CNTN4: variants seen among roughly 807,000 people sequenced by gnomAD.
CNTN4 encodes the protein contactin-4.
In CNTN4, 77 loss-of-function variants were observed where a neutral mutation model predicts 122.5. That is an observed-to-expected ratio of 0.63 (90% CI 0.52 to 0.76). The LOEUF is 0.76. CNTN4 is among the 30% of genes least tolerant of loss of function. The pLI is 0.00. For missense variants in CNTN4, 1,256 were observed against 1,259.1 expected, an observed-to-expected ratio of 1.00 and a Z score of 0.04; for synonymous variants, 512 against 447.0, an observed-to-expected ratio of 1.15 and a Z score of -1.83.
chr3:2,616,720 G>A lies in CNTN4; in HGVS notation c.55+45162G>A, dbSNP rs540784954. Among the ~76,000 whole-genome samples the A allele has an allele frequency of 3.9e-5, 6 of 152,038 alleles. 1 individual carries two copies. In the South Asian group the frequency reaches 6.2e-4, roughly 16 times the overall value. Reference sequence around the variant, plus strand: ...AAAAAAGAACAAAGCTGGAGGCATCGTGCTCCCTGACTTCGAACTATACTA... The same window carrying A: ...AAAAAAGAACAAAGCTGGAGGCATCATGCTCCCTGACTTCGAACTATACTA... On this transcript the variant is annotated intron_variant, in intron 4 of 24. Coordinates refer to ENST00000418658, the MANE Select transcript of CNTN4 (RefSeq NM_175607.3).
intron 3 of CNTN4, among the ~76,000 whole-genome samples, chr3:2,349,447 C>T (rs371268408): frequency 1.3e-5 from 2 of 151,984 alleles, no homozygotes; most frequent in Admixed American, 6.6e-5. Flanking sequence ...CATAAGTCAC[C>T]CAGAAGAACA....
At chr3:2,450,292 G>A (rs188740965) in intron 3 of CNTN4, among the ~76,000 whole-genome samples, 3 of 151,794 alleles carry the variant, frequency 2.0e-5, no homozygotes, top group Admixed American at 6.6e-5. Context: ...ACTTGAGCCT[G>A]GGAGGTCAAG....
At chr3:2,778,360 G>A (rs974623246) in intron 6 of CNTN4, among the ~76,000 whole-genome samples, 2 of 36,590 alleles carry the variant, frequency 5.5e-5, no homozygotes, top group African/African-American at 1.0e-4. Context: ...TTACAGAATA[G>A]TATTCCTGTA....
chr3:3,056,285 C>T lies in CNTN4; in HGVS notation c.*65C>T, dbSNP rs927325668. ...AACATTTAGCTAGTTGTTTTGAAGA[C>T]ACCCAGTACTAAGTAATATTGTTGT... On this transcript the variant is annotated 3_prime_UTR_variant, in exon 25 of 25. Transcript: ENST00000418658. 2.7e-6 allele frequency: 3 copies of T among 1,121,310 alleles called. No homozygotes were observed. Among genetic ancestry groups the T allele is most frequent in the East Asian group, 2.4e-5 (1 of 42,498 alleles). 69.5% of individuals were successfully genotyped at this position (1,121,310 alleles called of 1,614,324 possible).
chr3:2,648,247 G>T (rs546577562), intron 4 of CNTN4, among the ~76,000 whole-genome samples: 2 of 152,260 alleles, frequency 1.3e-5, no homozygotes, highest in African/African-American at 4.8e-5. Context: ...CATCATTTCA[G>T]TCTGGGAAAT....
intron 4 of CNTN4, among the ~76,000 whole-genome samples, chr3:2,598,665 T>C (rs968062104): frequency 1.5e-4 from 23 of 152,170 alleles, no homozygotes; most frequent in African/African-American, 5.3e-4. Flanking sequence ...GTAGCCGTAA[T>C]AGAAATTCAG....
At chr3:2,210,151 T>G (rs576833488) in intron 2 of CNTN4, among the ~76,000 whole-genome samples, 1 of 152,238 alleles carries the variant, frequency 6.6e-6, no homozygotes, top group African/African-American at 2.4e-5. Context: ...AAGTTATGGT[T>G]GAGAGAATTA....
chr3:2,267,179 T>G (rs2149791015), intron 2 of CNTN4, among the ~76,000 whole-genome samples: 1 of 152,206 alleles, frequency 6.6e-6, no homozygotes, highest in South Asian at 2.1e-4. Context: ...GTGTAGAAAT[T>G]TAGTGTCAGC....
At chr3:2,600,502 C>T (rs543181428) in intron 4 of CNTN4, among the ~76,000 whole-genome samples, 1 of 152,266 alleles carries the variant, frequency 6.6e-6, no homozygotes, top group South Asian at 2.1e-4. Flanking sequence ...TTTCCAGCTT[C>T]ATCCATGTCC....
intron 3 of CNTN4, among the ~76,000 whole-genome samples, chr3:2,394,936 A>G (rs1390586794): frequency 1.3e-5 from 2 of 151,624 alleles, no homozygotes; most frequent in African/African-American, 4.8e-5. Context: ...ACAGACCCCC[A>G]CCACCACACC....
At chr3:3,019,694 GTGTC>G (rs951960073) in intron 14 of CNTN4, among the ~76,000 whole-genome samples, 1 of 151,246 alleles carries the variant, frequency 6.6e-6, no homozygotes, top group Admixed American at 6.6e-5. Context: ...GTATATGTGT[GTGTC>G]TGTGTGTGTG....
rs1699679238 is a variant in CNTN4, at chr3:3,037,108, T to C, written c.1943-71T>C. On this transcript the variant is annotated intron_variant, in intron 17 of 24. Transcript: ENST00000418658. ...ATGAGGATGGATGGATGTTCCTATC[T>C]TCCTAACGTAATCTCTGCATTTGTT... 6.5e-6 allele frequency: 10 copies of C among 1,536,346 alleles called. No homozygotes were observed. The East Asian group carries it at 2.2e-4, about 35-fold the overall frequency.
chr3:2,762,522 G>T (rs1369765482), intron 6 of CNTN4, among the ~76,000 whole-genome samples: 3 of 152,166 alleles, frequency 2.0e-5, no homozygotes, highest in African/African-American at 7.2e-5. Context: ...CCGTGTCTCT[G>T]CAAGGGACAT....
chr3:2,346,457 CA>C (rs1205345726), intron 3 of CNTN4, among the ~76,000 whole-genome samples: 2 of 152,066 alleles, frequency 1.3e-5, no homozygotes, highest in Admixed American at 1.3e-4. Context: ...TATTTCTTAT[CA>C]TTGCTTCCAG....
At chr3:2,567,805 G>A (rs963823555) in intron 3 of CNTN4, among the ~76,000 whole-genome samples, 2 of 151,976 alleles carry the variant, frequency 1.3e-5, no homozygotes, top group Admixed American at 1.3e-4. Context: ...TATCCTTTAA[G>A]AATCAGTTCA....
At chr3:2,946,778 A>G (rs1042693289) in intron 13 of CNTN4, among the ~76,000 whole-genome samples, 3 of 143,020 alleles carry the variant, frequency 2.1e-5, no homozygotes, top group African/African-American at 7.8e-5. Flanking sequence ...AACATGGCTC[A>G]CTGCAATAAT....
chr3:2,173,197 C>A (rs1417340811), intron 2 of CNTN4, among the ~76,000 whole-genome samples: 1 of 152,162 alleles, frequency 6.6e-6, no homozygotes, highest in Non-Finnish European at 1.5e-5. Flanking sequence ...GGGCTAAGAA[C>A]TCCTAACGAG....
At chr3:2,612,178 A>C (rs1271039641) in intron 4 of CNTN4, among the ~76,000 whole-genome samples, 1 of 152,006 alleles carries the variant, frequency 6.6e-6, no homozygotes, top group Admixed American at 6.6e-5. Context: ...ATAGGGTTAC[A>C]TCCCGATAAA....
intron 2 of CNTN4, among the ~76,000 whole-genome samples, chr3:2,152,580 A>G (rs2035541383): frequency 6.6e-6 from 1 of 152,160 alleles, no homozygotes. Flanking sequence ...GTATGAGAGA[A>G]AGAAGAATCC....
Sources: allele counts gnomAD v4.1 joint callset (sites outside exome capture counted in the v4.1 genomes callset), GRCh38; gene constraint gnomAD v4.1.1; transcripts MANE v1.5; gene names NCBI Gene and HGNC (gene_info 2026-07-23, HGNC 2026-07-21).